The following ITPRIP variants were observed in gnomAD, a reference collection of about 807,000 sequenced individuals.
ITPRIP encodes the protein inositol 1,4,5-trisphosphate receptor-interacting protein.
ITPRIP carries 32 observed loss-of-function variants against 35.8 expected under a neutral mutation model. That is an observed-to-expected ratio of 0.89 (90% CI 0.68 to 1.20). The LOEUF (loss-of-function observed/expected upper bound fraction) is 1.20, where lower values mean the gene tolerates loss of function less well. Ranked by LOEUF, ITPRIP falls within the 50% of genes most tolerant of loss-of-function variation. The pLI is 0.00. For synonymous variants in ITPRIP, 358 were observed against 324.0 expected (o/e 1.11, Z -1.13); for missense variants, 653 against 735.6 (o/e 0.89, Z 1.30).
At chr10:104,319,089 G>A (rs539787501) in intron 1 of ITPRIP, among the ~76,000 whole-genome samples, 1 of 152,352 alleles carries the variant, frequency 6.6e-6, no homozygotes, top group South Asian at 2.1e-4. Flanking sequence ...GCCTGGGGAA[G>A]GACTGCAAGG....
intron 1 of ITPRIP, among the ~76,000 whole-genome samples, chr10:104,323,169 G>A (rs757527612): frequency 1.3e-5 from 2 of 152,170 alleles, no homozygotes; most frequent in African/African-American, 4.8e-5. Flanking sequence ...GGAGCACCTG[G>A]CAGTGATTCC....
At chr10:104,327,173 G>A (rs1362198934) in intron 1 of ITPRIP, among the ~76,000 whole-genome samples, 1 of 151,964 alleles carries the variant, frequency 6.6e-6, no homozygotes, top group African/African-American at 2.4e-5. Context: ...GCTCTGCACC[G>A]AAGCCTGGGG....
chr10:104,336,336 G>T (rs1358332990), intron 1 of ITPRIP, among the ~76,000 whole-genome samples: 1 of 151,980 alleles, frequency 6.6e-6, no homozygotes, highest in African/African-American at 2.4e-5. Flanking sequence ...TCAGCTCCCA[G>T]AACACTTGGA....
At chr10:104,325,300 G>A (rs968759819) in intron 1 of ITPRIP, among the ~76,000 whole-genome samples, 2 of 151,916 alleles carry the variant, frequency 1.3e-5, no homozygotes, top group African/African-American at 4.8e-5. Flanking sequence ...CCCATGAAGC[G>A]TTCCTCAAGG....
chr10:104,325,209 G>A (rs2013964887), intron 1 of ITPRIP, among the ~76,000 whole-genome samples: 1 of 152,192 alleles, frequency 6.6e-6, no homozygotes, highest in Admixed American at 6.5e-5. Context: ...GATACAGTGA[G>A]ACCTCGTCTT....
chr10:104,336,494 TGGGG>T (rs60388927), intron 1 of ITPRIP, among the ~76,000 whole-genome samples: 1 of 74,610 alleles, frequency 1.3e-5, no homozygotes, highest in African/African-American at 4.1e-5. Flanking sequence ...TATTTTTTTT[TGGGG>T]GGGGGGGGGC....
rs141093285 is a variant in ITPRIP, at chr10:104,328,501, C to A, written c.-14+9745G>T. Among the ~76,000 whole-genome samples the A allele has an allele frequency of 2.6e-5, 4 of 151,968 alleles. No individual in the cohort carries two copies. The highest frequency in any genetic ancestry group is 4.4e-5 in the Non-Finnish European group (3 of 67,980). On this transcript the variant is annotated intron_variant, in intron 1 of 1. Transcript: ENST00000337478. This position sits in a 1 kb window ranked among gnomAD's most constrained non-coding sequence, Gnocchi z 4.1. The stretch of plus-strand genomic sequence containing the variant: ...AGTGGGACAGGGAGGGGAGGCTGCA[C>A]GCTTAGACGCAGGCTCTGCACAATA...
chr10:104,337,903 A>G (rs1032077240), intron 1 of ITPRIP, among the ~76,000 whole-genome samples: 18 of 152,202 alleles, frequency 1.2e-4, no homozygotes, highest in African/African-American at 4.3e-4. Flanking sequence ...TCACCTGGCC[A>G]CTAGGAACAA....
rs2135174337 is a variant in ITPRIP at position 104,313,753 on chromosome 10, T to C, written c.*655A>G. ...GAAGTGTAGCTGAAAAAGTGGCTAA[T>C]TGTGTTTCTCTATGCCACCAAGTAC... On this transcript the variant is annotated 3_prime_UTR_variant, in exon 2 of 2. Transcript: ENST00000337478. The C allele has an allele frequency of 2.0e-6, 2 of 985,476 alleles. No homozygotes were observed. Among genetic ancestry groups the C allele is most frequent in the Non-Finnish European group, 2.4e-6 (2 of 829,994 alleles). 61.0% of individuals were successfully genotyped at this position (985,476 alleles called of 1,614,324 possible). A position where few individuals can be genotyped will look rare whatever the true frequency, so the allele number is the denominator to read the frequency against.
In ITPRIP at chr10:104,314,883, T is replaced by A. The variant is rs780535549; in HGVS notation, c.1169A>T (p.His390Leu). Reference protein sequence around the residue: ...WLLSFAVYERHFLRTTLKALP... With the variant: ...WLLSFAVYERLFLRTTLKALP... ...TGCCTTTAGTGTCGTCCTGAGGAAG[T>A]GTCGCTCATAGACAGCAAAGGACAG... The change falls in exon 2 of 2, where the codon CAC becomes CTC. Residue 390 changes from histidine to leucine, a missense_variant. Transcript: ENST00000337478. The A allele has an allele frequency of 6.2e-7, 1 of 1,613,474 alleles. No homozygotes were observed. The highest frequency in any genetic ancestry group is 1.3e-5 in the African/African-American group (1 of 74,886).
chr10:104,337,275 C>G (rs942067483), intron 1 of ITPRIP, among the ~76,000 whole-genome samples: 2 of 152,104 alleles, frequency 1.3e-5, no homozygotes, highest in African/African-American at 2.4e-5. Context: ...AAAAAAAGAA[C>G]AAGAAAATAG....
chr10:104,335,976 T>C (rs2014226574), intron 1 of ITPRIP, among the ~76,000 whole-genome samples: 1 of 149,484 alleles, frequency 6.7e-6, no homozygotes, highest in Non-Finnish European at 1.5e-5. Context: ...TCAATAGTGG[T>C]TGTTTATCAG....
At position 104,311,738 on chromosome 10, in the gene ITPRIP, G is replaced by A. The variant is rs952968161; in HGVS notation, c.*2670C>T. ...AAGAGACTCTGGGGAAAGAGGGCAGGGTTGTCCTTAGTGGAAAGGCCAAAG... is the reference window on the plus strand; with the variant it reads ...AAGAGACTCTGGGGAAAGAGGGCAGAGTTGTCCTTAGTGGAAAGGCCAAAG... On this transcript the variant is annotated 3_prime_UTR_variant, in exon 2 of 2. Transcript: ENST00000337478. The A allele has an allele frequency of 1.3e-5, 2 of 152,180 alleles. No individual in the cohort carries two copies. The highest frequency in any genetic ancestry group is 2.1e-4 in the South Asian group (1 of 4,826). The allele number at this position is 152,180 out of a possible 1,614,324, so 9.4% of individuals were successfully genotyped here. A position where few individuals can be genotyped will look rare whatever the true frequency, so the allele number is the denominator to read the frequency against.
chr10:104,316,154 GGTTA>G, intron 1 of ITPRIP, 90 bp from the exon 2 acceptor site: 4 of 1,162,880 alleles, frequency 3.4e-6, no homozygotes, highest in Non-Finnish European at 4.7e-6. Flanking sequence ...CCTCAGGGCT[GGTTA>G]AGGTCTTAGT....
chr10:104,334,121 G>A (rs528761550), intron 1 of ITPRIP, among the ~76,000 whole-genome samples: 75 of 152,316 alleles, frequency 4.9e-4, no homozygotes, highest in South Asian at 2.5e-3. Flanking sequence ...TTCAAAGCCC[G>A]TGCAGTCACA....
At chr10:104,322,285 C>T (rs2013870337) in intron 1 of ITPRIP, among the ~76,000 whole-genome samples, 1 of 152,218 alleles carries the variant, frequency 6.6e-6, no homozygotes, top group Non-Finnish European at 1.5e-5. Flanking sequence ...ACAACCTGTT[C>T]ATCACACCGC....
intron 1 of ITPRIP, among the ~76,000 whole-genome samples, chr10:104,329,955 T>C (rs575797540): frequency 6.6e-6 from 1 of 152,304 alleles, no homozygotes; most frequent in African/African-American, 2.4e-5. Context: ...CTGCAGCTCC[T>C]CCAGAAGCCT....
intron 1 of ITPRIP, among the ~76,000 whole-genome samples, chr10:104,327,305 C>G (rs749963227): frequency 2.1e-4 from 32 of 152,142 alleles, no homozygotes; most frequent in Admixed American, 7.2e-4. Context: ...CACGTCTCCC[C>G]TCCCCATTTC....
rs2282090 is a variant in ITPRIP, at chr10:104,314,292, C to T, written c.*116G>A. On this transcript the variant is annotated 3_prime_UTR_variant, in exon 2 of 2. Transcript: ENST00000337478. Reference sequence around the variant, plus strand: ...GCTTGGCTTCCTGGCAGGCTGAGCACGGCTCCCACGAAAGCCCGCCTTGTC... The same window carrying T: ...GCTTGGCTTCCTGGCAGGCTGAGCATGGCTCCCACGAAAGCCCGCCTTGTC... 0.013 allele frequency: 20,089 copies of T among 1,509,662 alleles called. 918 individuals are homozygous for T. Among genetic ancestry groups the T allele is most frequent in the African/African-American group, 0.12 (8,275 of 71,674 alleles). 93.5% of individuals were successfully genotyped at this position (1,509,662 alleles called of 1,614,324 possible).
Sources: allele counts gnomAD v4.1 joint callset (sites outside exome capture counted in the v4.1 genomes callset), GRCh38; gene constraint gnomAD v4.1.1; non-coding constraint Gnocchi (gnomAD v3.1); transcripts MANE v1.5; gene names NCBI Gene and HGNC (gene_info 2026-07-23, HGNC 2026-07-21).